The following LIN28B variants were observed in gnomAD, a reference collection of about 807,000 sequenced individuals.
The protein encoded by LIN28B is protein lin-28 homolog B.
A neutral mutation model predicts 21.9 loss-of-function variants in LIN28B; 5 were observed. The ratio of observed to expected loss-of-function variants is 0.23; its 90% CI spans 0.12 to 0.48. The LOEUF (loss-of-function observed/expected upper bound fraction) is 0.48, where lower values mean the gene tolerates loss of function less well. LIN28B is among the 20% of genes least tolerant of loss of function. The probability of loss-of-function intolerance (pLI) is 0.98; values close to 1 mark genes in which losing one functional copy is unlikely to be tolerated. For synonymous variants in LIN28B, 109 were observed against 111.3 expected (o/e 0.98, Z 0.13); for missense variants, 245 against 310.5 (o/e 0.79, Z 1.58).
chr6:105,074,123 C>T (rs1772380264), intron 3 of LIN28B, among the ~76,000 whole-genome samples: 1 of 152,144 alleles, frequency 6.6e-6, no homozygotes, highest in Non-Finnish European at 1.5e-5. Context: ...TTCTAAAGGT[C>T]TAAACAATTT....
chr6:105,053,326 C>T (rs1422902554), intron 3 of LIN28B, among the ~76,000 whole-genome samples: 2 of 151,138 alleles, frequency 1.3e-5, no homozygotes, highest in East Asian at 3.9e-4. Flanking sequence ...GTGCATGGTT[C>T]TATAGTGTTA....
In LIN28B at chr6:104,957,136, G is replaced by A. The variant is rs543233322; in HGVS notation, c.-115G>A. The A allele has an allele frequency of 2.0e-5, 32 of 1,610,210 alleles. 1 individual carries two copies. In the South Asian group the frequency reaches 3.3e-4, roughly 17 times the overall value. On this transcript the variant is annotated 5_prime_UTR_variant, in exon 1 of 4. Coordinates refer to ENST00000345080, the MANE Select transcript of LIN28B (RefSeq NM_001004317.4). ...AGAAGGAAAGCACATTAGACCATGCGAGCTAAATTTGTGATCGCACAAAAT... is the reference window on the plus strand; with the variant it reads ...AGAAGGAAAGCACATTAGACCATGCAAGCTAAATTTGTGATCGCACAAAAT...
At chr6:105,061,919 A>T (rs1040754841) in intron 3 of LIN28B, among the ~76,000 whole-genome samples, 2 of 151,966 alleles carry the variant, frequency 1.3e-5, no homozygotes, top group African/African-American at 4.8e-5. Context: ...ATTGTAAAAT[A>T]TATTTAATAT....
chr6:105,038,206 G>A (rs533810964), intron 3 of LIN28B, among the ~76,000 whole-genome samples: 3 of 152,306 alleles, frequency 2.0e-5, no homozygotes, highest in Admixed American at 6.5e-5. Flanking sequence ...GACCTTATAC[G>A]TTATGTGGGA....
At chr6:104,984,198 A>G (rs1180284787) in intron 2 of LIN28B, among the ~76,000 whole-genome samples, 2 of 152,206 alleles carry the variant, frequency 1.3e-5, no homozygotes, top group African/African-American at 4.8e-5. Flanking sequence ...GTAGCCCAGT[A>G]TGCGTTTAAA....
intron 2 of LIN28B, among the ~76,000 whole-genome samples, chr6:104,969,572 C>T (rs1267037140): frequency 6.6e-6 from 1 of 152,082 alleles, no homozygotes; most frequent in African/African-American, 2.4e-5. Context: ...ATTTTGTTAT[C>T]TTTAGAAGTT....
chr6:104,986,661 G>A (rs1410216787), intron 2 of LIN28B, among the ~76,000 whole-genome samples: 1 of 151,962 alleles, frequency 6.6e-6, no homozygotes, highest in Non-Finnish European at 1.5e-5. Context: ...CGTAAGAATT[G>A]GTCATTCTTG....
At chr6:104,937,042 C>T (rs1400795970) in exon 2 of LIN28B, 2 of 152,190 alleles carry the variant, frequency 1.3e-5, no homozygotes, top group African/African-American at 2.4e-5. Context: ...GTGTTGAACT[C>T]CTGGGCTCAA....
intron 2 of LIN28B, among the ~76,000 whole-genome samples, chr6:104,983,653 T>C (rs1770271251): frequency 6.6e-6 from 1 of 152,230 alleles, no homozygotes; most frequent in Non-Finnish European, 1.5e-5. Flanking sequence ...CTCGGCTCGC[T>C]GCAACCTCCA....
intron 3 of LIN28B, among the ~76,000 whole-genome samples, chr6:105,042,488 A>G (rs1012255727): frequency 2.1e-4 from 32 of 152,238 alleles, no homozygotes; most frequent in African/African-American, 6.5e-4. Context: ...ATCTGGTTAC[A>G]TAGCTATTAG....
intron 2 of LIN28B, among the ~76,000 whole-genome samples, chr6:104,990,793 G>T (rs1770449339): frequency 6.6e-6 from 1 of 152,112 alleles, no homozygotes; most frequent in African/African-American, 2.4e-5. Context: ...TCAAGCATCT[G>T]TTTAACAAAG....
chr6:104,991,645 G>A (rs2114270479), intron 2 of LIN28B, among the ~76,000 whole-genome samples: 1 of 152,276 alleles, frequency 6.6e-6, no homozygotes, highest in East Asian at 1.9e-4. Context: ...TCGGCACTTT[G>A]GGAGGCCAAG....
At chr6:105,046,447 T>C (rs1314612144) in intron 3 of LIN28B, among the ~76,000 whole-genome samples, 1 of 152,236 alleles carries the variant, frequency 6.6e-6, no homozygotes, top group African/African-American at 2.4e-5. Flanking sequence ...TCCAAGTCTT[T>C]GCTATTGTGA....
At chr6:105,051,718 C>G (rs1771909893) in intron 3 of LIN28B, among the ~76,000 whole-genome samples, 1 of 104,704 alleles carries the variant, frequency 9.6e-6, no homozygotes, top group Non-Finnish European at 2.0e-5. Context: ...TTATCTTTCC[C>G]TCTATCTCAG....
chr6:105,056,591 T>G (rs1772027804), intron 3 of LIN28B, among the ~76,000 whole-genome samples: 1 of 152,156 alleles, frequency 6.6e-6, no homozygotes, highest in African/African-American at 2.4e-5. Flanking sequence ...TTTGTGGCCT[T>G]GGATATTTTT....
rs144638952 is a variant in LIN28B, at chr6:105,016,551, C to T, written c.199-9747C>T. 5.2e-3 allele frequency among the ~76,000 whole-genome samples: 797 copies of T among 152,184 alleles called. 8 individuals carry two copies. Among genetic ancestry groups the T allele is most frequent in the African/African-American group, 0.018 (759 of 41,510 alleles). On this transcript the variant is annotated intron_variant, in intron 2 of 3. Coordinates refer to ENST00000345080, the MANE Select transcript of LIN28B (RefSeq NM_001004317.4). ...TGGTTCTGCCTGTCATCAGATAGGA[C>T]CTTGGGACTCTTGATGTCCTCATCT...
At chr6:104,963,004 G>A (rs1316784416) in intron 2 of LIN28B, among the ~76,000 whole-genome samples, 2 of 152,116 alleles carry the variant, frequency 1.3e-5, no homozygotes, top group Non-Finnish European at 2.9e-5. Context: ...CAAGCTGAGT[G>A]CTTTAAGGCC....
chr6:105,070,711 C>T (rs957395180), intron 3 of LIN28B, among the ~76,000 whole-genome samples: 6 of 150,948 alleles, frequency 4.0e-5, no homozygotes, highest in East Asian at 2.0e-4. Context: ...TTGGGAGGTC[C>T]GGGCTGCAGT....
chr6:104,989,477 C>T (rs1770414699), intron 2 of LIN28B, among the ~76,000 whole-genome samples: 1 of 152,110 alleles, frequency 6.6e-6, no homozygotes, highest in Non-Finnish European at 1.5e-5. Flanking sequence ...CCCACCTTGG[C>T]CTCCCAAAGT....
Sources: allele counts gnomAD v4.1 joint callset (sites outside exome capture counted in the v4.1 genomes callset), GRCh38; gene constraint gnomAD v4.1.1; transcripts MANE v1.5; gene names NCBI Gene and HGNC (gene_info 2026-07-23, HGNC 2026-07-21).